CNTRL: variants seen among roughly 807,000 people sequenced by gnomAD.
CNTRL encodes the protein 110 kDa centrosomal protein.
Under a neutral mutation model 303.7 loss-of-function variants are expected in CNTRL, and 233 were observed. That is an observed-to-expected ratio of 0.77 (90% confidence interval 0.69 to 0.86). The LOEUF (loss-of-function observed/expected upper bound fraction) is 0.86. Among genes scored for constraint, CNTRL ranks in the 40% least tolerant of loss-of-function variants. The pLI is 0.00. For synonymous variants in CNTRL, 900 were observed against 922.2 expected (o/e 0.98, Z 0.44); for missense variants, 2,524 against 2,650.6 (o/e 0.95, Z 1.05).
chr9:121,090,344 AT>A lies in CNTRL; in HGVS notation c.290del (p.Leu97TrpfsTer3), dbSNP rs777887928. 7 of 1,613,046 alleles carry A rather than the reference AT, an allele frequency of 4.3e-6. No homozygotes were observed. Among genetic ancestry groups the A allele is most frequent in the Non-Finnish European group, 5.1e-6 (6 of 1,179,448 alleles). ...ATTAAAAAACTTACTAAACAGGATA[AT>A]TTGGCTTTGATAAAATCTCTGAACC... ...ALIKKLTKQD[N>X]LALIKSLNLS... is the part of the protein sequence containing the mutation. On this transcript the variant is annotated frameshift_variant, in exon 4 of 44. Transcript: ENST00000373855. LOFTEE classifies it high-confidence loss of function.
intron 8 of CNTRL, chr9:121,111,050 A>T (rs2049725176): frequency 6.6e-6 from 1 of 152,082 alleles, no homozygotes; most frequent in South Asian, 2.1e-4. Context: ...ATTGCCAATG[A>T]GTTTTGAGGA....
chr9:121,172,053 G>A (rs1218377458), intron 40 of CNTRL, among the ~76,000 whole-genome samples: 1 of 152,152 alleles, frequency 6.6e-6, no homozygotes, highest in Non-Finnish European at 1.5e-5. Context: ...TAGTCGGGCT[G>A]CTGTAGCCAC....
chr9:121,098,711 A>C (rs1249540989), intron 7 of CNTRL, 139 bp downstream of exon 7: 8 of 654,828 alleles, frequency 1.2e-5, no homozygotes, highest in South Asian at 2.1e-5. Flanking sequence ...AATTCAACAA[A>C]TATTTACTGA....
chr9:121,155,045 GGAC>G, intron 27 of CNTRL, 132 bp downstream of exon 27: 3 of 763,298 alleles, frequency 3.9e-6, no homozygotes, highest in Non-Finnish European at 6.9e-6. Flanking sequence ...GTTCCAGGCT[GGAC>G]TCTGCTAGTT....
Position 121,146,077 on chromosome 9 carries a change from AT to A in CNTRL, c.3311-30del, listed in dbSNP as rs762791461. On this transcript the variant is annotated intron_variant, in intron 22 of 43. Coordinates refer to ENST00000373855, the MANE Select transcript of CNTRL (RefSeq NM_007018.6). ...TGAGAAAGGAAGTAAGTGATTTCAT[AT>A]CAATTTCATAGAATGACTTTTCTTT... 7 of 1,554,078 alleles carry A rather than the reference AT, an allele frequency of 4.5e-6. No individual in the cohort carries two copies. The East Asian group carries it at 1.6e-4, about 35-fold the overall frequency.
At chr9:121,119,848 A>G (rs1055282610) in intron 12 of CNTRL, among the ~76,000 whole-genome samples, 3 of 151,686 alleles carry the variant, frequency 2.0e-5, no homozygotes, top group East Asian at 1.9e-4. Context: ...TCCTTTTTCT[A>G]CCTCTTCTAT....
chr9:121,108,700 G>A (rs2049599238), intron 8 of CNTRL, among the ~76,000 whole-genome samples: 1 of 152,078 alleles, frequency 6.6e-6, no homozygotes, highest in African/African-American at 2.4e-5. Context: ...TTGGGATGCT[G>A]AGGTGCAAGG....
chr9:121,139,385 A>G (rs1350369838), intron 16 of CNTRL, among the ~76,000 whole-genome samples: 1 of 152,164 alleles, frequency 6.6e-6, no homozygotes, highest in Non-Finnish European at 1.5e-5. Context: ...CAGAAATAAA[A>G]GGGCAGAGTT....
intron 2 of CNTRL, among the ~76,000 whole-genome samples, chr9:121,085,437 A>T (rs1452579990): frequency 6.6e-6 from 1 of 152,210 alleles, no homozygotes; most frequent in Non-Finnish European, 1.5e-5. Flanking sequence ...AGAGAGAGAG[A>T]GAGCACATGC....
Position 121,175,340 on chromosome 9 carries a change from C to T in CNTRL, c.6954+116C>T, listed in dbSNP as rs187997975. ...GGAGTGCATTGGTACCATCACAGCT[C>T]ACTGCAGCCTTGACCTCCCAGGCTC... On this transcript the variant is annotated intron_variant, in intron 43 of 43. Coordinates refer to ENST00000373855, the MANE Select transcript of CNTRL (RefSeq NM_007018.6). 317 of 890,664 alleles carry T rather than the reference C, an allele frequency of 3.6e-4. 2 individuals carry two copies. In the African/African-American group the frequency reaches 4.5e-3, roughly 13 times the overall value. 55.2% of individuals were successfully genotyped at this position (890,664 alleles called of 1,614,324 possible).
At chr9:121,155,194 C>A (rs750158823) in intron 27 of CNTRL, among the ~76,000 whole-genome samples, 6 of 152,158 alleles carry the variant, frequency 3.9e-5, no homozygotes, top group Non-Finnish European at 8.8e-5. Context: ...CCTGAAGTTA[C>A]TTAGTTCCTA....
At chr9:121,098,875 C>A (rs1358945981) in intron 7 of CNTRL, among the ~76,000 whole-genome samples, 2 of 150,790 alleles carry the variant, frequency 1.3e-5, no homozygotes, top group Non-Finnish European at 1.5e-5. Flanking sequence ...CTCTTTGTGG[C>A]ATAGAGGAAT....
At chr9:121,117,958 G>T (rs1255042129) in intron 11 of CNTRL, among the ~76,000 whole-genome samples, 1 of 150,380 alleles carries the variant, frequency 6.6e-6, no homozygotes, top group African/African-American at 2.5e-5. Context: ...CACCCTGGGC[G>T]ACAGAGCAAG....
Position 121,107,988 on chromosome 9 carries a change from A to G in CNTRL, c.995A>G (p.Asn332Ser). ...CTCAAGAGTGACTTAAACACAAAAAATGAATTGGTAAGTTCATATTTTACA... is the reference window on the plus strand; with the variant it reads ...CTCAAGAGTGACTTAAACACAAAAAGTGAATTGGTAAGTTCATATTTTACA... ...EELKSDLNTK[N>S]ELLKQKTIEL... The change falls in exon 8 of 44, where the codon AAT (asparagine) becomes AGT (serine). Residue 332 changes from asparagine (N) to serine (S), a missense_variant. Coordinates refer to ENST00000373855, the MANE Select transcript of CNTRL (RefSeq NM_007018.6). The G allele has an allele frequency of 1.3e-6, 2 of 1,574,212 alleles. No individual in the cohort carries two copies. Among genetic ancestry groups the G allele is most frequent in the Non-Finnish European group, 1.7e-6 (2 of 1,165,780 alleles).
chr9:121,160,624 G>C (rs1424541348), intron 32 of CNTRL, among the ~76,000 whole-genome samples: 1 of 152,156 alleles, frequency 6.6e-6, no homozygotes, highest in Non-Finnish European at 1.5e-5. Context: ...GAACTAGTCA[G>C]CCCATTTCTA....
intron 39 of CNTRL, 173 bp from the exon 40 acceptor site, chr9:121,171,235 G>T: frequency 1.4e-6 from 1 of 702,940 alleles, no homozygotes; most frequent in Admixed American, 2.0e-5. Context: ...GTGTATATAC[G>T]CCCAGCTGTA....
intron 1 of CNTRL, among the ~76,000 whole-genome samples, chr9:121,080,094 A>C (rs1018434095): frequency 5.9e-5 from 9 of 152,234 alleles, no homozygotes; most frequent in African/African-American, 2.2e-4. Flanking sequence ...GCTATATGAC[A>C]TGGTCATTAA....
chr9:121,162,406 G>A, intron 34 of CNTRL, 135 bp downstream of exon 34: 1 of 702,168 alleles, frequency 1.4e-6, no homozygotes, highest in Non-Finnish European at 2.4e-6. Context: ...CATTTTGCCA[G>A]TTGCATTTTT....
chr9:121,138,652 G>A lies in CNTRL; in HGVS notation c.2310G>A (p.Glu770=). 1 of 1,613,808 alleles carries A rather than the reference G, an allele frequency of 6.2e-7. No homozygotes were observed. Among genetic ancestry groups the A allele is most frequent in the Non-Finnish European group, 8.5e-7 (1 of 1,179,804 alleles). The part of the protein sequence containing the change: ...FSEEKEQENS[E]LHAKLKHLQD... ...AAGAAAAGGAGCAAGAGAACAGTGA[G>A]CTCCATGCAAAACTTAAACACTTGC... The change falls in exon 16 of 44, where the codon GAG becomes GAA. Residue 770 remains glutamate, a synonymous_variant. Transcript: ENST00000373855.
Sources: allele counts gnomAD v4.1 joint callset (sites outside exome capture counted in the v4.1 genomes callset), GRCh38; gene constraint gnomAD v4.1.1; transcripts MANE v1.5; gene names NCBI Gene and HGNC (gene_info 2026-07-23, HGNC 2026-07-21).